Variants in ZNF516 observed in about 807,000 individuals in gnomAD.
ZNF516 encodes the protein zinc finger protein 516.
A neutral mutation model predicts 79.7 loss-of-function variants in ZNF516; 19 were observed. The ratio of observed to expected loss-of-function variants is 0.24; its 90% CI spans 0.17 to 0.35. ZNF516 has a LOEUF of 0.35. Among genes scored for constraint, ZNF516 ranks in the 10% least tolerant of loss-of-function variants. The probability of loss-of-function intolerance (pLI) is 1.00; values close to 1 mark genes in which losing one functional copy is unlikely to be tolerated. For synonymous variants in ZNF516, 877 were observed against 739.5 expected (o/e 1.19, Z -3.02); for missense variants, 1,678 against 1,679.5 (o/e 1.00, Z 0.02).
chr18:76,442,082 C>G lies in ZNF516; in HGVS notation c.973G>C (p.Glu325Gln), dbSNP rs781498105. 6.2e-7 allele frequency: 1 copy of G among 1,613,942 alleles called. No individual in the cohort carries two copies. The highest frequency in any genetic ancestry group is 8.5e-7 in the Non-Finnish European group (1 of 1,179,910). The part of the protein sequence containing the change: ...IATINNVVQE[E>Q]VIVAGLSLYE... ...AGGCTCAGGCCGGCGACGATCACCTCCTCCTGGACCACGTTGTTGATGGTG... is the reference window on the plus strand; with the variant it reads ...AGGCTCAGGCCGGCGACGATCACCTGCTCCTGGACCACGTTGTTGATGGTG... The change falls in exon 3 of 7, where the codon GAG (glutamate) becomes CAG (glutamine). Residue 325 changes from glutamate (E) to glutamine (Q), a missense_variant. Glu to Gln is a conservative substitution (Grantham distance 29, BLOSUM62 2). Coordinates refer to ENST00000443185, the MANE Select transcript of ZNF516 (RefSeq NM_014643.4).
chr18:76,491,011 C>T (rs1915151557), intron 1 of ZNF516: 3 of 985,408 alleles, frequency 3.0e-6, no homozygotes, highest in Non-Finnish European at 3.6e-6. Flanking sequence ...AGCCCGGGTG[C>T]CCACCGCCAA....
intron 3 of ZNF516, among the ~76,000 whole-genome samples, chr18:76,380,894 C>T (rs1278331196): frequency 6.6e-6 from 1 of 152,190 alleles, no homozygotes; most frequent in Admixed American, 6.5e-5. Flanking sequence ...CCTGTGAGGG[C>T]AATTCTCAAG....
At position 76,379,896 on chromosome 18, in the gene ZNF516, T is replaced by C. The variant is rs769141939; in HGVS notation, c.2218A>G (p.Thr740Ala). Residue 740 changes from threonine (T) to alanine (A), a missense_variant, in exon 4 of 7, where the codon ACG (threonine) becomes GCG (alanine). This residue lies in a region of ZNF516 where 1,294 missense variants were observed against 1,248.3 expected (regional missense o/e 1.04). Transcript: ENST00000443185. The stretch of plus-strand genomic sequence containing the variant: ...TCCTTATTGCTGGGGTCATCCCGCG[T>C]CGACCTCGCACTTAAATCTAGCGGC... ...LMPLDLSARS[T>A]RDDPSNKETA... 2.2e-5 allele frequency: 36 copies of C among 1,613,830 alleles called. No individual in the cohort carries two copies. In the South Asian group the frequency reaches 3.8e-4, roughly 17 times the overall value.
At chr18:76,402,365 G>A (rs1441646018) in intron 3 of ZNF516, among the ~76,000 whole-genome samples, 1 of 151,312 alleles carries the variant, frequency 6.6e-6, no homozygotes, top group Non-Finnish European at 1.5e-5. Context: ...GGTCCCACAG[G>A]CCCCTTCAGC....
chr18:76,440,761 T>TGTGTGTGTGTGTGTGTGC lies in ZNF516; in HGVS notation c.1810+483_1810+484insGCACACACACACACACAC, dbSNP rs571461431. Among the ~76,000 whole-genome samples the TGTGTGTGTGTGTGTGTGC allele has an allele frequency of 6.4e-3, 967 of 150,210 alleles. 5 individuals are homozygous for TGTGTGTGTGTGTGTGTGC. The highest frequency in any genetic ancestry group is 0.01 in the Middle Eastern group (3 of 294). The stretch of plus-strand genomic sequence containing the variant: ...GTGTGTTTGTGTGTGTGTGTGTGTG[T>TGTGTGTGTGTGTGTGTGC]GCGCGCACGCGCGCATGCATCGTAT... On this transcript the variant is annotated intron_variant, in intron 3 of 6. Coordinates refer to ENST00000443185, the MANE Select transcript of ZNF516 (RefSeq NM_014643.4).
intron 2 of ZNF516, among the ~76,000 whole-genome samples, chr18:76,453,347 C>T (rs1912532359): frequency 6.6e-6 from 1 of 152,180 alleles, no homozygotes; most frequent in South Asian, 2.1e-4. Flanking sequence ...AAACCCACGG[C>T]TCAGATGAAG....
intron 1 of ZNF516, among the ~76,000 whole-genome samples, chr18:76,473,611 C>T (rs1037739797): frequency 1.4e-4 from 21 of 151,964 alleles, no homozygotes; most frequent in East Asian, 5.8e-4. Context: ...ACCATCCTAG[C>T]TAACACGGTG....
intron 6 of ZNF516, among the ~76,000 whole-genome samples, chr18:76,368,213 T>C (rs1277723920): frequency 6.6e-6 from 1 of 152,182 alleles, no homozygotes; most frequent in Non-Finnish European, 1.5e-5. Context: ...CAAGGAACCC[T>C]AGGATTTAAA....
intron 3 of ZNF516, among the ~76,000 whole-genome samples, chr18:76,404,668 C>T (rs1049290218): frequency 6.6e-6 from 1 of 151,896 alleles, no homozygotes; most frequent in Non-Finnish European, 1.5e-5. Context: ...CATGGGTGAG[C>T]GTGAGTTTGT....
At chr18:76,458,819 G>A (rs1428473856) in intron 2 of ZNF516, among the ~76,000 whole-genome samples, 41 of 137,526 alleles carry the variant, frequency 3.0e-4, no homozygotes, top group South Asian at 9.0e-4. Context: ...ACCGTCGTGC[G>A]TGTGCGTGCC....
At chr18:76,383,804 TTCA>T (rs2074933973) in intron 3 of ZNF516, among the ~76,000 whole-genome samples, 1 of 152,240 alleles carries the variant, frequency 6.6e-6, no homozygotes, top group Non-Finnish European at 1.5e-5. Context: ...GCTCCCCGCA[TTCA>T]TCATCAGTAA....
intron 3 of ZNF516, among the ~76,000 whole-genome samples, chr18:76,406,045 C>G (rs906463064): frequency 1.4e-4 from 21 of 152,212 alleles, no homozygotes; most frequent in Non-Finnish European, 3.1e-4. Context: ...GCAGGCCCAG[C>G]TGTCATCAGA....
At chr18:76,456,752 T>TGGGGGGGGGG (rs5826456) in intron 2 of ZNF516, among the ~76,000 whole-genome samples, 1 of 117,598 alleles carries the variant, frequency 8.5e-6, no homozygotes, top group Non-Finnish European at 1.8e-5. Flanking sequence ...GGCTGGGGGG[T>TGGGGGGGGGG]GGGGGGGGGC....
chr18:76,434,496 G>C (rs578141184), intron 3 of ZNF516, among the ~76,000 whole-genome samples: 3 of 152,200 alleles, frequency 2.0e-5, no homozygotes, highest in African/African-American at 7.2e-5. Flanking sequence ...TCTGGAGTCC[G>C]AGAATATCAC....
In ZNF516 at chr18:76,416,669, C is replaced by A. The variant is rs575690013; in HGVS notation, c.1810+24576G>T. 2.6e-5 allele frequency among the ~76,000 whole-genome samples: 4 copies of A among 152,288 alleles called. No homozygotes were observed. In the East Asian group the frequency reaches 7.7e-4, roughly 29 times the overall value. The stretch of plus-strand genomic sequence containing the variant: ...AATGTGAGGACCATCGCCTACACAC[C>A]TAAGCCTTTACAATAGTTGAAGCTA... On this transcript the variant is annotated intron_variant, in intron 3 of 6. Transcript: ENST00000443185.
intron 3 of ZNF516, among the ~76,000 whole-genome samples, chr18:76,399,929 C>G (rs1318788890): frequency 6.6e-6 from 1 of 152,148 alleles, no homozygotes; most frequent in Non-Finnish European, 1.5e-5. Flanking sequence ...GCTAAGATAC[C>G]TGGCTCTTTG....
chr18:76,420,850 T>C (rs759650803), intron 3 of ZNF516, among the ~76,000 whole-genome samples: 56 of 152,360 alleles, frequency 3.7e-4, no homozygotes, highest in South Asian at 8.3e-4. Context: ...AGTCCATGAA[T>C]GGGTACTTCA....
At chr18:76,376,405 C>G (rs990023630) in intron 4 of ZNF516, among the ~76,000 whole-genome samples, 1 of 152,048 alleles carries the variant, frequency 6.6e-6, no homozygotes, top group Non-Finnish European at 1.5e-5. Context: ...ACTTAGAAAC[C>G]CTAAATTTGC....
chr18:76,407,315 C>A (rs919583847), intron 3 of ZNF516, among the ~76,000 whole-genome samples: 1 of 152,196 alleles, frequency 6.6e-6, no homozygotes, highest in Non-Finnish European at 1.5e-5. Context: ...GTTTCAGCTA[C>A]TCGAACAGCT....
Sources: allele counts gnomAD v4.1 joint callset (sites outside exome capture counted in the v4.1 genomes callset), GRCh38; gene constraint gnomAD v4.1.1; regional missense constraint gnomAD v4.1.1; transcripts MANE v1.5; gene names NCBI Gene and HGNC (gene_info 2026-07-23, HGNC 2026-07-21).